PTPRM: variants seen among roughly 807,000 people sequenced by gnomAD.
PTPRM encodes the protein receptor-type tyrosine-protein phosphatase mu.
Under a neutral mutation model 186.7 loss-of-function variants are expected in PTPRM, and 47 were observed. That is an observed-to-expected ratio of 0.25 (90% confidence interval 0.20 to 0.32). The LOEUF is 0.32. PTPRM is among the 10% of genes least tolerant of loss of function. PTPRM has a pLI of 1.00. For missense variants in PTPRM, 1,494 were observed against 1,865.0 expected (o/e 0.80, Z 3.66); for synonymous variants, 668 against 674.9 (o/e 0.99, Z 0.16).
At chr18:7,594,634 C>A (rs1053381025) in intron 1 of PTPRM, among the ~76,000 whole-genome samples, 3 of 152,178 alleles carry the variant, frequency 2.0e-5, no homozygotes, top group African/African-American at 7.2e-5. Flanking sequence ...GCCTTTGTCT[C>A]AGAGAGAAAC....
chr18:7,676,584 A>G (rs981671640), intron 1 of PTPRM, among the ~76,000 whole-genome samples: 1 of 151,234 alleles, frequency 6.6e-6, no homozygotes, highest in African/African-American at 2.4e-5. Flanking sequence ...TGTTTGGTCC[A>G]TGTCCCACCA....
intron 19 of PTPRM, among the ~76,000 whole-genome samples, chr18:8,253,728 A>C (rs1002212767): frequency 6.6e-6 from 1 of 152,204 alleles, no homozygotes; most frequent in Non-Finnish European, 1.5e-5. Flanking sequence ...CGGGTGCAGA[A>C]TGCTAGGATA....
Position 8,113,850 on chromosome 18 carries a change from G to T in PTPRM, c.2130+91G>T, listed in dbSNP as rs540138183. The T allele has an allele frequency of 4.8e-6, 6 of 1,244,682 alleles. No individual in the cohort carries two copies. In the East Asian group the frequency reaches 1.5e-4, roughly 30 times the overall value. 77.1% of individuals were successfully genotyped at this position (1,244,682 alleles called of 1,614,324 possible). The stretch of plus-strand genomic sequence containing the variant: ...AAAATAGTAGTAAAATGGAAGTCAT[G>T]CTTTTCTGCATTTCTACTTGTAAAC... On this transcript the variant is annotated intron_variant, in intron 12 of 32. Transcript: ENST00000580170.
intron 29 of PTPRM, among the ~76,000 whole-genome samples, chr18:8,381,759 T>A (rs530448369): frequency 2.6e-5 from 4 of 152,314 alleles, no homozygotes; most frequent in Admixed American, 1.3e-4. Context: ...TCACTTACAG[T>A]GGCACGGCCG....
chr18:7,585,234 C>T (rs994703241), intron 1 of PTPRM, among the ~76,000 whole-genome samples: 2 of 152,154 alleles, frequency 1.3e-5, no homozygotes, highest in African/African-American at 4.8e-5. Context: ...AGAGAATAAA[C>T]TTTTACATAG....
chr18:7,687,345 A>G (rs1000053140), intron 1 of PTPRM, among the ~76,000 whole-genome samples: 1 of 152,202 alleles, frequency 6.6e-6, no homozygotes, highest in Admixed American at 6.5e-5. Context: ...CACCAGGGAA[A>G]TTCAAATATG....
chr18:8,191,820 G>A (rs2093713701), intron 14 of PTPRM, among the ~76,000 whole-genome samples: 2 of 152,014 alleles, frequency 1.3e-5, no homozygotes, highest in Non-Finnish European at 2.9e-5. Flanking sequence ...GAAATAAATA[G>A]AATATATGAA....
chr18:7,805,462 G>A (rs147966231), intron 2 of PTPRM, among the ~76,000 whole-genome samples: 56 of 152,182 alleles, frequency 3.7e-4, no homozygotes, highest in Non-Finnish European at 6.2e-4. Flanking sequence ...TTCCATCTTG[G>A]TACAACTGAG....
intron 7 of PTPRM, among the ~76,000 whole-genome samples, chr18:8,042,860 T>C (rs1392218028): frequency 6.6e-6 from 1 of 152,176 alleles, no homozygotes; most frequent in East Asian, 1.9e-4. Context: ...TTGTTTCTCA[T>C]GTTGCCATTT....
intron 1 of PTPRM, among the ~76,000 whole-genome samples, chr18:7,648,678 G>A (rs928968583): frequency 1.3e-5 from 2 of 152,206 alleles, no homozygotes; most frequent in African/African-American, 4.8e-5. Flanking sequence ...CTTCAATTCT[G>A]TGAAGGTTGA....
At chr18:7,726,997 C>T (rs1319107188) in intron 1 of PTPRM, among the ~76,000 whole-genome samples, 1 of 151,694 alleles carries the variant, frequency 6.6e-6, no homozygotes, top group Admixed American at 6.6e-5. Flanking sequence ...TTATATAATT[C>T]AGTGGTAAGA....
intron 7 of PTPRM, among the ~76,000 whole-genome samples, chr18:8,054,319 A>ATATG (rs1307534406): frequency 7.1e-6 from 1 of 141,174 alleles, no homozygotes; most frequent in Non-Finnish European, 1.5e-5. Context: ...ATATATATAT[A>ATATG]TATTACTACT....
intron 7 of PTPRM, among the ~76,000 whole-genome samples, chr18:8,008,069 C>T (rs2084297789): frequency 6.6e-6 from 1 of 152,094 alleles, no homozygotes; most frequent in Admixed American, 6.5e-5. Context: ...GAAATTATTC[C>T]TGAAATCCCT....
chr18:7,666,230 T>A (rs2039091641), intron 1 of PTPRM, among the ~76,000 whole-genome samples: 1 of 152,236 alleles, frequency 6.6e-6, no homozygotes, highest in Non-Finnish European at 1.5e-5. Flanking sequence ...TCCCACTTTC[T>A]CTGTTCCCTT....
At chr18:7,771,676 A>G (rs2042275342) in intron 1 of PTPRM, among the ~76,000 whole-genome samples, 1 of 152,224 alleles carries the variant, frequency 6.6e-6, no homozygotes, top group Non-Finnish European at 1.5e-5. Context: ...GGAGCTAACA[A>G]CTAAGACAAA....
chr18:8,118,189 A>G (rs1300154385), intron 13 of PTPRM, among the ~76,000 whole-genome samples: 1 of 152,234 alleles, frequency 6.6e-6, no homozygotes, highest in Non-Finnish European at 1.5e-5. Context: ...TGCACATTAT[A>G]TTAATCTTCC....
intron 1 of PTPRM, among the ~76,000 whole-genome samples, chr18:7,770,795 A>G (rs916752113): frequency 1.3e-5 from 2 of 151,996 alleles, no homozygotes; most frequent in Non-Finnish European, 2.9e-5. Flanking sequence ...ACTTTAACTC[A>G]TCTTATTTTA....
intron 7 of PTPRM, among the ~76,000 whole-genome samples, chr18:8,048,684 G>A (rs938569087): frequency 5.3e-5 from 8 of 151,936 alleles, no homozygotes; most frequent in Admixed American, 6.6e-5. Context: ...AACCATTTGC[G>A]TAGACTTGTA....
At chr18:8,013,832 G>A (rs190459975) in intron 7 of PTPRM, among the ~76,000 whole-genome samples, 21 of 152,306 alleles carry the variant, frequency 1.4e-4, no homozygotes, top group Admixed American at 3.3e-4. Flanking sequence ...ATATCAAACT[G>A]TAGGAGTTAT....
Sources: gnomAD v4.1 joint callset for allele counts (sites outside exome capture counted in the v4.1 genomes callset) on GRCh38, gnomAD v4.1.1 for gene constraint, MANE v1.5 for transcripts, NCBI Gene and HGNC (gene_info 2026-07-23, HGNC 2026-07-21) for gene names.